The following CFAP299 variants were observed in gnomAD, a reference collection of about 807,000 sequenced individuals.
CFAP299 encodes cilia- and flagella-associated protein 299.
CFAP299 carries 21 observed loss-of-function variants against 27.0 expected under a neutral mutation model. That is an observed-to-expected ratio of 0.78 (90% CI 0.55 to 1.12). The LOEUF is 1.12. CFAP299 is among the 50% of genes most tolerant of loss of function. The probability of loss-of-function intolerance (pLI) is 0.00; values close to 1 mark genes in which losing one functional copy is unlikely to be tolerated. For missense variants in CFAP299, 310 were observed against 276.6 expected (o/e 1.12, Z -0.86); for synonymous variants, 104 against 98.1 (o/e 1.06, Z -0.36).
At chr4:80,667,006 T>G (rs1005189716) in intron 3 of CFAP299, among the ~76,000 whole-genome samples, 1 of 152,232 alleles carries the variant, frequency 6.6e-6, no homozygotes, top group African/African-American at 2.4e-5. Context: ...GAACATCTTC[T>G]ATACCTTTCA....
chr4:80,778,626 G>A (rs1332952172), intron 3 of CFAP299, among the ~76,000 whole-genome samples: 1 of 151,602 alleles, frequency 6.6e-6, no homozygotes. Context: ...TATCCATATC[G>A]CATGCAGTCT....
chr4:80,321,682 G>GT, the CFAP299 span, among the ~76,000 whole-genome samples: 1 of 152,128 alleles, frequency 6.6e-6, no homozygotes, highest in South Asian at 2.1e-4. Context: ...GGAAATTTGC[G>GT]TTTTCAACAT....
At chr4:80,687,712 G>C (rs888508414) in intron 3 of CFAP299, among the ~76,000 whole-genome samples, 14 of 152,170 alleles carry the variant, frequency 9.2e-5, no homozygotes, top group Non-Finnish European at 1.5e-4. Context: ...GAACAGCTCC[G>C]GTCTACAGCT....
At chr4:80,665,162 T>G (rs1577992056) in intron 3 of CFAP299, among the ~76,000 whole-genome samples, 1 of 152,332 alleles carries the variant, frequency 6.6e-6, no homozygotes, top group Middle Eastern at 3.4e-3. Flanking sequence ...AGACCGGAGC[T>G]GTTTCTATTT....
chr4:80,417,005 C>T (rs1300627606), intron 2 of CFAP299, among the ~76,000 whole-genome samples: 1 of 152,220 alleles, frequency 6.6e-6, no homozygotes, highest in Non-Finnish European at 1.5e-5. Context: ...GGCAGAGCAG[C>T]AGCCTGAGCT....
At chr4:80,452,616 GA>G in intron 2 of CFAP299, among the ~76,000 whole-genome samples, 1 of 152,220 alleles carries the variant, frequency 6.6e-6, no homozygotes, top group South Asian at 2.1e-4. Flanking sequence ...ATTGTTAATA[GA>G]GTTAACATTA....
intron 4 of CFAP299, among the ~76,000 whole-genome samples, chr4:80,940,394 G>A (rs527537600): frequency 1.3e-5 from 2 of 152,326 alleles, no homozygotes; most frequent in Admixed American, 1.3e-4. Flanking sequence ...CCCTATGGGA[G>A]AAATCATGGG....
At chr4:80,490,501 T>G (rs1731060501) in intron 2 of CFAP299, among the ~76,000 whole-genome samples, 1 of 152,204 alleles carries the variant, frequency 6.6e-6, no homozygotes, top group Non-Finnish European at 1.5e-5. Context: ...CTCCTCTGTC[T>G]TGTTCACTGT....
chr4:80,946,728 A>G (rs1395344687), intron 5 of CFAP299, among the ~76,000 whole-genome samples: 1 of 152,140 alleles, frequency 6.6e-6, no homozygotes, highest in Non-Finnish European at 1.5e-5. Flanking sequence ...GGCTGTATTT[A>G]TTATGAATCT....
At chr4:80,582,619 A>G (rs1736228231) in intron 2 of CFAP299, among the ~76,000 whole-genome samples, 2 of 151,890 alleles carry the variant, frequency 1.3e-5, no homozygotes, top group Non-Finnish European at 2.9e-5. Flanking sequence ...TCTGACAAAG[A>G]TAGGTCAACC....
intron 2 of CFAP299, among the ~76,000 whole-genome samples, chr4:80,531,218 A>ATTTTC (rs1733446248): frequency 1.3e-5 from 2 of 152,162 alleles, no homozygotes; most frequent in Admixed American, 1.3e-4. Context: ...AAATAGCATG[A>ATTTTC]AATTTCCTAG....
chr4:80,468,608 G>A (rs1485544788), intron 2 of CFAP299, among the ~76,000 whole-genome samples: 2 of 151,798 alleles, frequency 1.3e-5, no homozygotes, highest in East Asian at 2.0e-4. Flanking sequence ...GCTGAGGTGG[G>A]TGGATCACTT....
At position 80,835,961 on chromosome 4, in the gene CFAP299, A is replaced by G. The variant is rs866744215; in HGVS notation, c.334-34032A>G. On this transcript the variant is annotated intron_variant, in intron 3 of 5. Transcript: ENST00000358105. Reference sequence around the variant, plus strand: ...AAGAGATGAGTGCAAAGTCCTTTCTATGATACCTTTATATTACTACATGAT... The same window carrying G: ...AAGAGATGAGTGCAAAGTCCTTTCTGTGATACCTTTATATTACTACATGAT... 3.9e-5 allele frequency among the ~76,000 whole-genome samples: 6 copies of G among 152,204 alleles called. 1 individual carries two copies. In the South Asian group the frequency reaches 1.2e-3, roughly 31 times the overall value.
chr4:80,496,242 T>A (rs918819304), intron 2 of CFAP299, among the ~76,000 whole-genome samples: 1 of 152,224 alleles, frequency 6.6e-6, no homozygotes, highest in African/African-American at 2.4e-5. Flanking sequence ...GTTCCAACTT[T>A]AACTCATTTC....
intron 3 of CFAP299, among the ~76,000 whole-genome samples, chr4:80,673,614 G>C (rs189033434): frequency 6.6e-6 from 1 of 152,118 alleles, no homozygotes; most frequent in Admixed American, 6.5e-5. Flanking sequence ...TGACAGTGGG[G>C]TGTTAAAGTC....
intron 3 of CFAP299, among the ~76,000 whole-genome samples, chr4:80,685,419 C>G (rs1269870071): frequency 6.6e-6 from 1 of 151,940 alleles, no homozygotes; most frequent in Non-Finnish European, 1.5e-5. Flanking sequence ...GCCAATTGCA[C>G]TGAAGTGTTA....
intron 3 of CFAP299, among the ~76,000 whole-genome samples, chr4:80,677,655 C>A (rs570828049): frequency 6.6e-6 from 1 of 151,934 alleles, no homozygotes; most frequent in South Asian, 2.1e-4. Context: ...TAAAACAAAT[C>A]TATATTTTTT....
At chr4:80,452,513 A>G (rs908531298) in intron 2 of CFAP299, among the ~76,000 whole-genome samples, 4 of 152,194 alleles carry the variant, frequency 2.6e-5, no homozygotes, top group African/African-American at 9.7e-5. Context: ...TTAGGTTAAC[A>G]TACTGCTATT....
chr4:80,508,528 C>T (rs1055532311), intron 2 of CFAP299, among the ~76,000 whole-genome samples: 1 of 152,076 alleles, frequency 6.6e-6, no homozygotes. Context: ...TTCAGATTCT[C>T]CTCACTTTTT....
Sources: gnomAD v4.1 joint callset for allele counts (sites outside exome capture counted in the v4.1 genomes callset) on GRCh38, gnomAD v4.1.1 for gene constraint, MANE v1.5 for transcripts, NCBI Gene and HGNC (gene_info 2026-07-23, HGNC 2026-07-21) for gene names.